Variants in PGAP6 observed in about 807,000 individuals in gnomAD.
PGAP6 encodes post-GPI attachment to proteins factor 6.
Under a neutral mutation model 68.4 loss-of-function variants are expected in PGAP6, and 62 were observed. The observed-to-expected ratio is 0.91, with a 90% CI of 0.74 to 1.12. PGAP6 has a LOEUF of 1.12. Ranked by LOEUF, PGAP6 falls within the 50% of genes most tolerant of loss-of-function variation. The pLI is 0.00. For missense variants in PGAP6, 1,188 were observed against 1,068.5 expected, an observed-to-expected ratio of 1.11 and a Z score of -1.56; for synonymous variants, 575 against 474.0, an observed-to-expected ratio of 1.21 and a Z score of -2.77.
At position 372,598 on chromosome 16, in the gene PGAP6, C is replaced by G; in HGVS notation, c.2019+13G>C. 6.2e-7 allele frequency: 1 copy of G among 1,601,880 alleles called. No homozygotes were observed. On this transcript the variant is annotated intron_variant, in intron 12 of 12. Coordinates refer to ENST00000431232, the MANE Select transcript of PGAP6 (RefSeq NM_021259.3). ...GCACCTGGGCAGCAGTGCCAGCCAG[C>G]CCGGCTCCTTACCCACATGGAGGCC... is the stretch of plus-strand genomic sequence containing the variant.
intron 1 of PGAP6, 61 bp from the exon 2 acceptor site, chr16:377,909 G>A: frequency 7.0e-7 from 1 of 1,435,556 alleles, no homozygotes; most frequent in Non-Finnish European, 9.4e-7. Flanking sequence ...CAGATGGGGA[G>A]GACGAGTCCC....
intron 11 of PGAP6, 69 bp downstream of exon 11, chr16:373,926 CCACGGTACTG>C (rs2054356123): frequency 6.8e-7 from 1 of 1,473,210 alleles, no homozygotes; most frequent in Non-Finnish European, 9.0e-7. Context: ...CCGGCCTCTC[CCACGGTACTG>C]CCTTTCGCAG....
intron 11 of PGAP6, among the ~76,000 whole-genome samples, chr16:373,765 C>CGT (rs2054354124): frequency 6.6e-6 from 1 of 152,206 alleles, no homozygotes; most frequent in African/African-American, 2.4e-5. Context: ...ATGGGATCCT[C>CGT]CTGCAAGTGT....
At position 381,959 on chromosome 16, in the gene PGAP6, C is replaced by T; in HGVS notation, c.-138G>A. The T allele has an allele frequency of 1.0e-6, 1 of 977,050 alleles. No homozygotes were observed. The highest frequency in any genetic ancestry group is 1.2e-6 in the Non-Finnish European group (1 of 823,460). The allele number at this position is 977,050 out of a possible 1,614,324, so 60.5% of individuals were successfully genotyped here. On this transcript the variant is annotated 5_prime_UTR_variant, in exon 1 of 13. Transcript: ENST00000431232. Reference sequence around the variant, plus strand: ...GCGCCCATGGCCCGGCCGGTCCCCGCCGCCGTCGCCCCGGGCACTTCCGCC... The same window carrying T: ...GCGCCCATGGCCCGGCCGGTCCCCGTCGCCGTCGCCCCGGGCACTTCCGCC...
At position 374,778 on chromosome 16, in the gene PGAP6, A is replaced by G; in HGVS notation, c.1554T>C (p.Tyr518=). ...CLLLRRHSYL[Y]ASCSCKAGWR... ...CACCTGCCTTGCAGCTGCAGCTGGCATACAGGTAGCTGTGTCTGCGGAGCA... is the reference window on the plus strand; with the variant it reads ...CACCTGCCTTGCAGCTGCAGCTGGCGTACAGGTAGCTGTGTCTGCGGAGCA... The change falls in exon 9 of 13, where the codon TAT becomes TAC. Residue 518 remains tyrosine (Y), a synonymous_variant. Coordinates refer to ENST00000431232, the MANE Select transcript of PGAP6 (RefSeq NM_021259.3). The G allele has an allele frequency of 6.2e-7, 1 of 1,612,752 alleles. No individual in the cohort carries two copies.
chr16:380,492 G>A (rs1179414789), intron 1 of PGAP6, among the ~76,000 whole-genome samples: 3 of 151,562 alleles, frequency 2.0e-5, no homozygotes, highest in Non-Finnish European at 2.9e-5. Context: ...TCAGCCTCCC[G>A]AGTGGCTGGG....
chr16:381,713 T>G lies in PGAP6; in HGVS notation c.109A>C (p.Ser37Arg). Residue 37 changes from serine (S) to arginine (R), a missense_variant, in exon 1 of 13, where the codon AGC (serine) becomes CGC (arginine). Physicochemically the swap from Ser to Arg is moderately radical, Grantham distance 110. Coordinates refer to ENST00000431232, the MANE Select transcript of PGAP6 (RefSeq NM_021259.3). ...GCCTCCCGCTCACCGCTCTTCCCGC[T>G]GTAGCCGGCGGAGGCAGGCGGGGGC... ...ARPPPASAGY[S>R]GKSEVGLVSE... 8.3e-7 allele frequency: 1 copy of G among 1,208,054 alleles called. No individual in the cohort carries two copies. The highest frequency in any genetic ancestry group is 1.0e-6 in the Non-Finnish European group (1 of 972,532). The allele number at this position is 1,208,054 out of a possible 1,614,324, so 74.8% of individuals were successfully genotyped here.
intron 1 of PGAP6, among the ~76,000 whole-genome samples, chr16:378,095 C>T (rs62030801): frequency 0.1 from 15,363 of 152,054 alleles, 999 homozygotes; most frequent in South Asian, 0.31. Flanking sequence ...ACAGCTGCCG[C>T]CTCACTGCAG....
At chr16:385,814 C>T (rs381421), upstream of PGAP6, among the ~76,000 whole-genome samples, 91,298 of 150,032 alleles carry the variant, frequency 0.61, 29,052 homozygotes, top group African/African-American at 0.82. Flanking sequence ...TTAGTAGAGA[C>T]GGGGTTTCAC....
In PGAP6 at chr16:372,352, C is replaced by T. The variant is rs908220845; in HGVS notation, c.2020-69G>A. On this transcript the variant is annotated intron_variant, in intron 12 of 12. Coordinates refer to ENST00000431232, the MANE Select transcript of PGAP6 (RefSeq NM_021259.3). Reference sequence around the variant, plus strand: ...GGCTGCAGCTCCCAGGGCCCAGATACGGTGGTTACTGGGGGCCTGCCCAGG... The same window carrying T: ...GGCTGCAGCTCCCAGGGCCCAGATATGGTGGTTACTGGGGGCCTGCCCAGG... The T allele has an allele frequency of 1.9e-5, 28 of 1,507,058 alleles. 1 individual carries two copies. The South Asian group carries it at 2.8e-4, about 15-fold the overall frequency. The allele number at this position is 1,507,058 out of a possible 1,614,324, so 93.4% of individuals were successfully genotyped here.
rs1279305345 is a variant in PGAP6, at chr16:381,713, T to C, written c.109A>G (p.Ser37Gly). The change falls in exon 1 of 13, where the codon AGC becomes GGC. Residue 37 changes from serine to glycine, a missense_variant. Transcript: ENST00000431232. ...GCCTCCCGCTCACCGCTCTTCCCGCTGTAGCCGGCGGAGGCAGGCGGGGGC... is the reference window on the plus strand; with the variant it reads ...GCCTCCCGCTCACCGCTCTTCCCGCCGTAGCCGGCGGAGGCAGGCGGGGGC... ...ARPPPASAGY[S>G]GKSEVGLVSE... 72 of 1,207,958 alleles carry C rather than the reference T, an allele frequency of 6.0e-5. No individual in the cohort carries two copies. The highest frequency in any genetic ancestry group is 7.0e-5 in the Non-Finnish European group (68 of 972,542). 74.8% of individuals were successfully genotyped at this position (1,207,958 alleles called of 1,614,324 possible).
intron 1 of PGAP6, among the ~76,000 whole-genome samples, chr16:378,277 C>A (rs2054406919): frequency 6.9e-6 from 1 of 145,576 alleles, no homozygotes; most frequent in African/African-American, 2.6e-5. Flanking sequence ...CATCCCCACC[C>A]ACACTGCCAT....
At chr16:376,024 CTGG>C in intron 6 of PGAP6, 109 bp downstream of exon 6, 1 of 1,135,228 alleles carries the variant, frequency 8.8e-7, no homozygotes, top group Non-Finnish European at 1.2e-6. Context: ...CCCGTGCCTG[CTGG>C]TGTCACTGTG....
chr16:385,749 C>G (rs1016652968), upstream of PGAP6, among the ~76,000 whole-genome samples: 9 of 150,984 alleles, frequency 6.0e-5, no homozygotes, highest in African/African-American at 1.5e-4. Flanking sequence ...CTCAGCCTCC[C>G]GAGTAGCTGG....
intron 1 of PGAP6, 92 bp from the exon 2 acceptor site, chr16:377,940 GC>G: frequency 2.5e-6 from 3 of 1,205,754 alleles, no homozygotes; most frequent in Non-Finnish European, 3.4e-6. Context: ...AGGGCTGGAA[GC>G]CCCCGGGGAC....
At chr16:377,306 A>G in intron 3 of PGAP6, 72 bp downstream of exon 3, 2 of 1,559,400 alleles carry the variant, frequency 1.3e-6, no homozygotes, top group Non-Finnish European at 1.7e-6. Flanking sequence ...ACCACCCCAA[A>G]GAGGTGAACG....
upstream of PGAP6, among the ~76,000 whole-genome samples, chr16:384,018 A>G (rs2054466018): frequency 6.6e-6 from 1 of 152,186 alleles, no homozygotes; most frequent in Non-Finnish European, 1.5e-5. Context: ...ACTGAGGGGA[A>G]AGGGGGGCTC....
At position 377,371 on chromosome 16, in the gene PGAP6, C is replaced by T; in HGVS notation, c.507+7G>A. 6.3e-7 allele frequency: 1 copy of T among 1,582,938 alleles called. No individual in the cohort carries two copies. Among genetic ancestry groups the T allele is most frequent in the Non-Finnish European group, 8.6e-7 (1 of 1,162,526 alleles). On this transcript the variant is annotated splice_region_variant and intron_variant, in intron 3 of 12. Transcript: ENST00000431232. ...CTGCCTCCATCCCGGAGGGCAGCCC[C>T]CCTCACCTTCAACTCGATCTTCTGG...
In PGAP6 at chr16:375,328, A is replaced by G. The variant is rs1597159929; in HGVS notation, c.1315+17T>C. The G allele has an allele frequency of 6.2e-7, 1 of 1,612,716 alleles. No homozygotes were observed. The highest frequency in any genetic ancestry group is 1.3e-5 in the African/African-American group (1 of 75,026). On this transcript the variant is annotated intron_variant, in intron 7 of 12. Transcript: ENST00000431232. ...GCTGGCCGGGGCCACGCTGACGGTG[A>G]CGCCTGCCCATCATACCTGTGGTGC...
Sources: gnomAD v4.1 joint callset for allele counts (sites outside exome capture counted in the v4.1 genomes callset) on GRCh38, gnomAD v4.1.1 for gene constraint, MANE v1.5 for transcripts, NCBI Gene and HGNC (gene_info 2026-07-23, HGNC 2026-07-21) for gene names.